WWOX: variants seen among roughly 807,000 people sequenced by gnomAD.
WWOX encodes the protein WW domain-containing oxidoreductase.
Under a neutral mutation model 46.2 loss-of-function variants are expected in WWOX, and 69 were observed. That is an observed-to-expected ratio of 1.49 (90% CI 1.23 to 1.82). WWOX has a LOEUF of 1.82. Ranked by LOEUF, WWOX falls within the 40% of genes most tolerant of loss-of-function variation. The probability of loss-of-function intolerance (pLI) is 0.00; values close to 1 mark genes in which losing one functional copy is unlikely to be tolerated. For synonymous variants in WWOX, 359 were observed against 202.6 expected (o/e 1.77, Z -6.56); for missense variants, 919 against 542.6 (o/e 1.69, Z -6.89).
At chr16:78,422,663 G>GTATATGTATATATATATATATATATA (rs2082960690) in intron 6 of WWOX, among the ~76,000 whole-genome samples, 1 of 24,382 alleles carries the variant, frequency 4.1e-5, no homozygotes, top group African/African-American at 9.8e-5. Flanking sequence ...TTTTTTACAT[G>GTATATGTATATATATATATATATATA]TATATATATA....
At chr16:78,644,691 G>C (rs1482339787) in intron 8 of WWOX, among the ~76,000 whole-genome samples, 1 of 152,166 alleles carries the variant, frequency 6.6e-6, no homozygotes, top group African/African-American at 2.4e-5. Context: ...TGGAACTCCT[G>C]AACTCAAGTG....
At chr16:78,925,867 G>T (rs965809401) in intron 8 of WWOX, among the ~76,000 whole-genome samples, 1 of 152,146 alleles carries the variant, frequency 6.6e-6, no homozygotes, top group Non-Finnish European at 1.5e-5. Context: ...TCATTTCTTG[G>T]TTTTTCATTT....
At chr16:78,564,574 C>G (rs934326672) in intron 8 of WWOX, among the ~76,000 whole-genome samples, 1 of 152,146 alleles carries the variant, frequency 6.6e-6, no homozygotes, top group African/African-American at 2.4e-5. Flanking sequence ...TCAGAGGTCT[C>G]ATATCAAGAA....
rs947478935 is a variant in WWOX, at chr16:78,735,428, A to C, written c.1056+302676A>C. ...ACACACACACACACACACACACACT[A>C]ATATGGTTCTGATTCTCTGGAGAAC... On this transcript the variant is annotated intron_variant, in intron 8 of 8. Transcript: ENST00000566780. Among the ~76,000 whole-genome samples the C allele has an allele frequency of 1.9e-3, 188 of 101,480 alleles. 1 individual carries two copies. The highest frequency in any genetic ancestry group is 2.7e-3 in the Non-Finnish European group (150 of 55,182). 66.6% of individuals were successfully genotyped at this position (101,480 alleles called of 152,430 possible).
intron 8 of WWOX, among the ~76,000 whole-genome samples, chr16:78,507,278 C>T (rs745911283): frequency 2.0e-5 from 3 of 152,078 alleles, no homozygotes; most frequent in Non-Finnish European, 4.4e-5. Context: ...CAGCCAAGAA[C>T]CATAGATTGG....
chr16:78,773,772 A>G (rs1189376673), intron 8 of WWOX, among the ~76,000 whole-genome samples: 4 of 152,218 alleles, frequency 2.6e-5, no homozygotes, highest in African/African-American at 9.6e-5. Flanking sequence ...AAGAGAAGCA[A>G]AAACAAGTTT....
At chr16:78,914,796 G>A (rs183832658) in intron 8 of WWOX, among the ~76,000 whole-genome samples, 20 of 151,178 alleles carry the variant, frequency 1.3e-4, no homozygotes, top group African/African-American at 2.9e-4. Flanking sequence ...GGAGAATGGC[G>A]TGAACCCAGG....
chr16:78,767,943 A>G (rs149058054), intron 8 of WWOX, among the ~76,000 whole-genome samples: 85 of 152,200 alleles, frequency 5.6e-4, no homozygotes, highest in African/African-American at 1.9e-3. Flanking sequence ...TTCCAGCACC[A>G]CGAGTTTGGA....
At chr16:78,119,250 C>T (rs148110933) in intron 4 of WWOX, among the ~76,000 whole-genome samples, 1 of 152,172 alleles carries the variant, frequency 6.6e-6, no homozygotes, top group Non-Finnish European at 1.5e-5. Context: ...ATGCCTTCAG[C>T]ACGGTGAACA....
chr16:78,582,210 T>G (rs967768340), intron 8 of WWOX, among the ~76,000 whole-genome samples: 3 of 152,184 alleles, frequency 2.0e-5, no homozygotes, highest in Non-Finnish European at 4.4e-5. Flanking sequence ...TGTTCCTAAG[T>G]GGTCAATACA....
chr16:78,659,162 T>G (rs577777297), intron 8 of WWOX, among the ~76,000 whole-genome samples: 19 of 150,954 alleles, frequency 1.3e-4, no homozygotes, highest in African/African-American at 4.4e-4. Context: ...TTGGAAGAAA[T>G]GCTCTTTAAC....
chr16:79,006,830 T>C (rs1161962398), intron 8 of WWOX, among the ~76,000 whole-genome samples: 1 of 152,182 alleles, frequency 6.6e-6, no homozygotes, highest in Non-Finnish European at 1.5e-5. Context: ...GTCTTTCTCA[T>C]GCTGGCATCC....
intron 8 of WWOX, among the ~76,000 whole-genome samples, chr16:78,528,305 C>T (rs761619592): frequency 1.3e-5 from 2 of 150,978 alleles, no homozygotes; most frequent in African/African-American, 2.4e-5. Context: ...TGAGCCACCA[C>T]ACCCGCCCTA....
intron 5 of WWOX, among the ~76,000 whole-genome samples, chr16:78,218,895 C>T (rs1022594629): frequency 7.2e-5 from 11 of 152,232 alleles, no homozygotes; most frequent in Non-Finnish European, 1.2e-4. Context: ...ATACAGATGT[C>T]TGGCCATAGA....
At chr16:78,678,201 T>G (rs530943427) in intron 8 of WWOX, among the ~76,000 whole-genome samples, 3 of 152,106 alleles carry the variant, frequency 2.0e-5, no homozygotes, top group Non-Finnish European at 2.9e-5. Flanking sequence ...TTTGGTAGAT[T>G]ACATGCTTAA....
At chr16:78,468,812 CTG>C (rs1738081416) in intron 8 of WWOX, among the ~76,000 whole-genome samples, 2 of 152,328 alleles carry the variant, frequency 1.3e-5, no homozygotes, top group Middle Eastern at 3.4e-3. Flanking sequence ...TTCAGCAACA[CTG>C]TGCAGTGTAA....
At chr16:78,740,781 A>C (rs914755770) in intron 8 of WWOX, among the ~76,000 whole-genome samples, 3 of 151,724 alleles carry the variant, frequency 2.0e-5, no homozygotes, top group Admixed American at 6.6e-5. Context: ...TGGTTGCAGC[A>C]CTCTGTGTGT....
intron 8 of WWOX, among the ~76,000 whole-genome samples, chr16:79,166,022 GC>G (rs1360051175): frequency 6.6e-6 from 1 of 152,138 alleles, no homozygotes; most frequent in Non-Finnish European, 1.5e-5. Context: ...ATAACTATCT[GC>G]ATTTCAGGTA....
intron 5 of WWOX, among the ~76,000 whole-genome samples, chr16:78,235,623 AT>A (rs917182773): frequency 6.6e-6 from 1 of 152,108 alleles, no homozygotes; most frequent in African/African-American, 2.4e-5. Context: ...CCGGCTTGCA[AT>A]TGCCTCCTTC....
Sources: gnomAD v4.1 joint callset for allele counts (sites outside exome capture counted in the v4.1 genomes callset) on GRCh38, gnomAD v4.1.1 for gene constraint, MANE v1.5 for transcripts, NCBI Gene and HGNC (gene_info 2026-07-23, HGNC 2026-07-21) for gene names.